LRRC9: variants seen among roughly 807,000 people sequenced by gnomAD.
LRRC9 encodes leucine rich repeat containing 9.
LRRC9 carries 122 observed loss-of-function variants against 63.2 expected under a neutral mutation model. The observed-to-expected ratio is 1.93, with a 90% confidence interval of 1.67 to 2.24. The LOEUF (loss-of-function observed/expected upper bound fraction) is 2.24. LRRC9 is among the 30% of genes most tolerant of loss of function. LRRC9 has a pLI of 0.00. For missense variants in LRRC9, 1,071 were observed against 627.7 expected (o/e 1.71, Z -7.55); for synonymous variants, 366 against 213.1 (o/e 1.72, Z -6.25).
intron 1 of LRRC9, among the ~76,000 whole-genome samples, chr14:59,925,976 C>G (rs557309760): frequency 6.6e-6 from 1 of 152,298 alleles, no homozygotes; most frequent in African/African-American, 2.4e-5. Context: ...CTACAAGGGG[C>G]TTCCCCCTTC....
intron 22 of LRRC9, among the ~76,000 whole-genome samples, chr14:60,007,536 C>T (rs1889911102): frequency 6.6e-6 from 1 of 152,122 alleles, no homozygotes; most frequent in Admixed American, 6.6e-5. Flanking sequence ...CATCACTTTT[C>T]AAATAGCAGT....
intron 8 of LRRC9, among the ~76,000 whole-genome samples, chr14:59,954,730 C>T (rs1883545619): frequency 1.3e-5 from 2 of 152,144 alleles, no homozygotes; most frequent in African/African-American, 2.4e-5. Flanking sequence ...GCATCCTTAT[C>T]TTCTACAACA....
At chr14:59,993,518 A>G (rs909004240) in intron 17 of LRRC9, among the ~76,000 whole-genome samples, 6 of 152,234 alleles carry the variant, frequency 3.9e-5, no homozygotes, top group African/African-American at 1.4e-4. Context: ...ACAGACTGGC[A>G]AATTGGATAA....
chr14:60,001,663 T>C (rs1889374466), intron 19 of LRRC9, among the ~76,000 whole-genome samples: 1 of 152,160 alleles, frequency 6.6e-6, no homozygotes, highest in Non-Finnish European at 1.5e-5. Context: ...GCTTGTAATC[T>C]ATTCATAATA....
At chr14:60,021,132 C>G (rs985579157) in intron 26 of LRRC9, among the ~76,000 whole-genome samples, 5 of 151,866 alleles carry the variant, frequency 3.3e-5, no homozygotes, top group Admixed American at 2.0e-4. Flanking sequence ...GATTTTAATT[C>G]CTGCACATCT....
chr14:60,065,360 C>T (rs1385042971), downstream of LRRC9, among the ~76,000 whole-genome samples: 3 of 151,410 alleles, frequency 2.0e-5, no homozygotes, highest in Non-Finnish European at 4.4e-5. Context: ...TGGAATTACA[C>T]CACCACGCCA....
chr14:59,952,043 C>T lies in LRRC9; in HGVS notation c.882+7299C>T, dbSNP rs866444173. Among the ~76,000 whole-genome samples, 599 of 151,202 alleles carry T rather than the reference C, an allele frequency of 4.0e-3. 5 individuals carry two copies. The highest frequency in any genetic ancestry group is 0.013 in the African/African-American group (545 of 40,870). ...TGGGCTCCACCCAGTTCGAGCTTCC[C>T]GGCTGCTTTGTTTACCTAAGCAAGC... is the stretch of plus-strand genomic sequence containing the variant. On this transcript the variant is annotated intron_variant, in intron 8 of 31. Coordinates refer to ENST00000445360, the Ensembl canonical transcript of LRRC9.
intron 26 of LRRC9, among the ~76,000 whole-genome samples, chr14:60,021,433 C>T (rs555441223): frequency 1.6e-4 from 25 of 151,958 alleles, no homozygotes; most frequent in African/African-American, 6.0e-4. Flanking sequence ...GTCTCTCAAT[C>T]TGTGGCCTCT....
chr14:59,948,406 G>A (rs886578110), intron 8 of LRRC9, among the ~76,000 whole-genome samples: 33 of 138,954 alleles, frequency 2.4e-4, no homozygotes, highest in African/African-American at 8.9e-4. Flanking sequence ...AGGAGATTTT[G>A]GGCTGAGACG....
intron 29 of LRRC9, among the ~76,000 whole-genome samples, chr14:60,052,417 T>C (rs548479328): frequency 6.6e-6 from 1 of 152,142 alleles, no homozygotes; most frequent in South Asian, 2.1e-4. Flanking sequence ...TGGGGGATGG[T>C]TACATAGGCA....
Position 59,966,388 on chromosome 14 carries a change from T to C in LRRC9, c.1212-201T>C, listed in dbSNP as rs1884859808. Among the ~76,000 whole-genome samples the C allele has an allele frequency of 6.6e-6, 1 of 152,190 alleles. No individual in the cohort carries two copies. The highest frequency in any genetic ancestry group is 2.4e-5 in the African/African-American group (1 of 41,450). ...AAGAAAGTGTTTCAGAAAGTGAAGA[T>C]TGCTCAACCAACCTGTCTTCCAGGC... On this transcript the variant is annotated intron_variant, in intron 10 of 31. Transcript: ENST00000445360. This position sits in a 1 kb window ranked among gnomAD's most constrained non-coding sequence, Gnocchi z 4.0.
At position 60,009,181 on chromosome 14, in the gene LRRC9, G is replaced by A. The variant is rs535909282; in HGVS notation, c.3186+967G>A. ...AATAAATGTAGAAAAAACATTTACC[G>A]CTAAGGAAAAGTTATGTTCTGCTCA... On this transcript the variant is annotated intron_variant, in intron 23 of 31. Transcript: ENST00000445360. Among the ~76,000 whole-genome samples, 13 of 152,220 alleles carry A rather than the reference G, an allele frequency of 8.5e-5. 1 individual carries two copies. The highest frequency in any genetic ancestry group is 8.3e-4 in the South Asian group (4 of 4,820).
chr14:60,006,044 C>A (rs1330269585), intron 21 of LRRC9, among the ~76,000 whole-genome samples: 2 of 152,108 alleles, frequency 1.3e-5, no homozygotes, highest in Admixed American at 1.3e-4. Flanking sequence ...TTATTTTGAG[C>A]TTTGTGTAGA....
exon 19 of LRRC9, chr14:59,999,184 A>T (rs745653962): frequency 4.1e-5 from 29 of 701,622 alleles, no homozygotes; most frequent in Non-Finnish European, 6.5e-5. Context: ...AAGAAGAAGC[A>T]ACAGCAGCTA....
At chr14:59,937,950 C>G (rs1881221805) in intron 6 of LRRC9, among the ~76,000 whole-genome samples, 1 of 152,074 alleles carries the variant, frequency 6.6e-6, no homozygotes, top group Non-Finnish European at 1.5e-5. Flanking sequence ...ATCCCATAGC[C>G]TTTAATGAGT....
chr14:59,925,155 G>T (rs767093787), intron 1 of LRRC9, among the ~76,000 whole-genome samples: 1 of 152,102 alleles, frequency 6.6e-6, no homozygotes, highest in Non-Finnish European at 1.5e-5. Flanking sequence ...AGGATAATTT[G>T]CTGGCTGTAT....
At chr14:60,013,443 A>G (rs1205428364) in intron 23 of LRRC9, among the ~76,000 whole-genome samples, 1 of 152,156 alleles carries the variant, frequency 6.6e-6, no homozygotes, top group Non-Finnish European at 1.5e-5. Flanking sequence ...TGTTTGAATC[A>G]GGCCCATCCA....
intron 19 of LRRC9, among the ~76,000 whole-genome samples, chr14:60,000,712 G>A (rs979585520): frequency 2.0e-5 from 3 of 152,038 alleles, no homozygotes; most frequent in African/African-American, 7.2e-5. Context: ...TTGAATTTGT[G>A]AATAATTTAG....
chr14:59,960,878 C>T (rs943638777), intron 9 of LRRC9, 36 bp from the exon 10 acceptor site: 2 of 530,992 alleles, frequency 3.8e-6, no homozygotes, highest in African/African-American at 3.9e-5. Context: ...ATTTTTAGAT[C>T]ATTCTAATAG....
Sources: allele counts gnomAD v4.1 joint callset (sites outside exome capture counted in the v4.1 genomes callset), GRCh38; gene constraint gnomAD v4.1.1; non-coding constraint Gnocchi (gnomAD v3.1); transcripts MANE v1.5; gene names NCBI Gene and HGNC (gene_info 2026-07-23, HGNC 2026-07-21).